The following SGCZ variants were observed in gnomAD, a reference collection of about 807,000 sequenced individuals.
SGCZ encodes zeta-sarcoglycan.
In SGCZ, 40 loss-of-function variants were observed where a neutral mutation model predicts 41.3. That is an observed-to-expected ratio of 0.97 (90% CI 0.75 to 1.26). The LOEUF (loss-of-function observed/expected upper bound fraction) is 1.26. Among genes scored for constraint, SGCZ ranks in the 50% most tolerant of loss-of-function variants. The pLI is 0.00. For synonymous variants in SGCZ, 206 were observed against 137.5 expected (o/e 1.50, Z -3.49); for missense variants, 552 against 369.8 (o/e 1.49, Z -4.04).
intron 1 of SGCZ, among the ~76,000 whole-genome samples, chr8:14,876,083 A>C (rs1185417235): frequency 6.6e-6 from 1 of 152,160 alleles, no homozygotes; most frequent in African/African-American, 2.4e-5. Flanking sequence ...TCCCCAGCTC[A>C]GTGGTGTGGT....
intron 1 of SGCZ, among the ~76,000 whole-genome samples, chr8:14,672,989 A>G (rs9657209): frequency 0.19 from 28,221 of 152,152 alleles, 3,403 homozygotes; most frequent in East Asian, 0.44. Context: ...GCTGTGTTTC[A>G]AGCAAAAGTA....
intron 2 of SGCZ, among the ~76,000 whole-genome samples, chr8:14,375,729 A>G (rs1409514567): frequency 6.6e-6 from 1 of 152,210 alleles, no homozygotes; most frequent in Non-Finnish European, 1.5e-5. Context: ...ACTGAGCAAA[A>G]TAAAGTTTAT....
chr8:14,878,510 A>G (rs938484408), intron 1 of SGCZ, among the ~76,000 whole-genome samples: 1 of 152,160 alleles, frequency 6.6e-6, no homozygotes, highest in African/African-American at 2.4e-5. Context: ...CTTTTCTGAT[A>G]TCTGATTGGC....
chr8:14,243,179 C>T lies in SGCZ; in HGVS notation c.337-5500G>A, dbSNP rs551975640. Among the ~76,000 whole-genome samples, 8 of 152,282 alleles carry T rather than the reference C, an allele frequency of 5.3e-5. No homozygotes were observed. The South Asian group carries it at 1.7e-3, about 32-fold the overall frequency. On this transcript the variant is annotated intron_variant, in intron 3 of 7. Coordinates refer to ENST00000382080, the MANE Select transcript of SGCZ (RefSeq NM_139167.4). ...ATTCTGAAAGAACATCACTAGTGAC[C>T]TATTTTGTTCAGTGTAGATGATGTG...
chr8:15,118,709 T>G (rs1474958089), intron 1 of SGCZ, among the ~76,000 whole-genome samples: 1 of 152,164 alleles, frequency 6.6e-6, no homozygotes, highest in Non-Finnish European at 1.5e-5. Context: ...ATCTCCATCC[T>G]GTCCAATTTG....
chr8:14,954,331 CAGA>C (rs1181736064), intron 1 of SGCZ, among the ~76,000 whole-genome samples: 5 of 152,136 alleles, frequency 3.3e-5, no homozygotes, highest in African/African-American at 1.2e-4. Flanking sequence ...CACACAGCTA[CAGA>C]AGATGTGGCA....
In SGCZ at chr8:15,210,743, C is replaced by T. The variant is rs113839732; in HGVS notation, c.39+26842G>A. Among the ~76,000 whole-genome samples, 256 of 152,214 alleles carry T rather than the reference C, an allele frequency of 1.7e-3. 1 individual carries two copies. Among genetic ancestry groups the T allele is most frequent in the Non-Finnish European group, 2.9e-3 (200 of 68,000 alleles). Reference sequence around the variant, plus strand: ...TCCCTTGCAGACGTCCACACCAGCGCCCATGCTTAGCTGCACCTCCTCTAG... The same window carrying T: ...TCCCTTGCAGACGTCCACACCAGCGTCCATGCTTAGCTGCACCTCCTCTAG... On this transcript the variant is annotated intron_variant, in intron 1 of 7. Coordinates refer to ENST00000382080, the MANE Select transcript of SGCZ (RefSeq NM_139167.4).
At chr8:14,755,511 T>C (rs999543554) in intron 1 of SGCZ, among the ~76,000 whole-genome samples, 2 of 152,208 alleles carry the variant, frequency 1.3e-5, no homozygotes, top group East Asian at 1.9e-4. Flanking sequence ...TAATTGTCTA[T>C]GATAGTCTTC....
intron 4 of SGCZ, among the ~76,000 whole-genome samples, chr8:14,215,929 G>C (rs996885200): frequency 2.6e-5 from 4 of 152,232 alleles, no homozygotes; most frequent in African/African-American, 9.6e-5. Flanking sequence ...CTCAGACACA[G>C]GTACCCAGTG....
chr8:14,770,135 C>G (rs1800187615), intron 1 of SGCZ, among the ~76,000 whole-genome samples: 1 of 128,788 alleles, frequency 7.8e-6, no homozygotes, highest in Non-Finnish European at 1.6e-5. Context: ...ATAATTATAT[C>G]TATTATATAC....
In SGCZ at chr8:14,822,177, C is replaced by T. The variant is rs1475258144; in HGVS notation, c.40-267251G>A. ...AAAATCAACATTCAAAAATGGATAG[C>T]GTTTGTATAGGCTAATAATTAAGCC... On this transcript the variant is annotated intron_variant, in intron 1 of 7. Coordinates refer to ENST00000382080, the MANE Select transcript of SGCZ (RefSeq NM_139167.4). Among the ~76,000 whole-genome samples the T allele has an allele frequency of 4.0e-5, 6 of 151,346 alleles. No individual in the cohort carries two copies. In the South Asian group the frequency reaches 1.3e-3, roughly 32 times the overall value.
intron 3 of SGCZ, among the ~76,000 whole-genome samples, chr8:14,300,773 T>C (rs1585336802): frequency 1.3e-5 from 2 of 152,080 alleles, no homozygotes; most frequent in South Asian, 2.1e-4. Context: ...ATGTCTTCTT[T>C]TGAGAAATTT....
chr8:14,660,802 G>T (rs1278664711), intron 1 of SGCZ, among the ~76,000 whole-genome samples: 1 of 152,032 alleles, frequency 6.6e-6, no homozygotes, highest in Non-Finnish European at 1.5e-5. Flanking sequence ...CAGTAAACAT[G>T]AAGAGGAGAG....
At chr8:14,926,375 T>C (rs970884782) in intron 1 of SGCZ, among the ~76,000 whole-genome samples, 38 of 152,314 alleles carry the variant, frequency 2.5e-4, no homozygotes, top group African/African-American at 8.4e-4. Flanking sequence ...TAAATACTTA[T>C]AGAACCATCA....
chr8:15,065,541 C>T (rs1406958722), intron 1 of SGCZ, among the ~76,000 whole-genome samples: 1 of 151,680 alleles, frequency 6.6e-6, no homozygotes, highest in African/African-American at 2.4e-5. Flanking sequence ...ACCTCCTAGG[C>T]TCAAGCCAAC....
chr8:14,469,127 C>G (rs1005771320), intron 2 of SGCZ, among the ~76,000 whole-genome samples: 2 of 152,034 alleles, frequency 1.3e-5, no homozygotes, highest in African/African-American at 4.8e-5. Flanking sequence ...TACCCCTCCA[C>G]TTTTTGCTTC....
intron 1 of SGCZ, among the ~76,000 whole-genome samples, chr8:14,993,307 T>C (rs1802089880): frequency 6.6e-6 from 1 of 152,150 alleles, no homozygotes; most frequent in Non-Finnish European, 1.5e-5. Context: ...TCTGCTCATA[T>C]ATTCAACAAA....
Position 14,404,172 on chromosome 8 carries a change from A to C in SGCZ, c.235-79968T>G, listed in dbSNP as rs140358221. ...AATTTTACTCTCATAACAATCACATACTTAGACTAAGCTGTAATTGTATCT... is the reference window on the plus strand; with the variant it reads ...AATTTTACTCTCATAACAATCACATCCTTAGACTAAGCTGTAATTGTATCT... On this transcript the variant is annotated intron_variant, in intron 2 of 7. Transcript: ENST00000382080. 1.9e-4 allele frequency among the ~76,000 whole-genome samples: 29 copies of C among 152,328 alleles called. No homozygotes were observed. In the East Asian group the frequency reaches 5.2e-3, roughly 27 times the overall value.
intron 1 of SGCZ, among the ~76,000 whole-genome samples, chr8:15,092,428 A>G (rs953791980): frequency 1.6e-4 from 24 of 152,186 alleles, no homozygotes; most frequent in Non-Finnish European, 1.6e-4. Flanking sequence ...TTTAATTTGT[A>G]TTTATAGTAA....
Sources: gnomAD v4.1 joint callset for allele counts (sites outside exome capture counted in the v4.1 genomes callset) on GRCh38, gnomAD v4.1.1 for gene constraint, MANE v1.5 for transcripts, NCBI Gene and HGNC (gene_info 2026-07-23, HGNC 2026-07-21) for gene names.